Variants in KIAA1217 observed in about 807,000 individuals in gnomAD.
KIAA1217 encodes the protein KIAA1217, also known as sickle tail protein homolog.
KIAA1217 carries 88 observed loss-of-function variants against 163.9 expected under a neutral mutation model. That is an observed-to-expected ratio of 0.54 (90% CI 0.45 to 0.64). The LOEUF is 0.64. KIAA1217 is among the 30% of genes least tolerant of loss of function. The pLI is 0.00. For synonymous variants in KIAA1217, 903 were observed against 923.1 expected, an observed-to-expected ratio of 0.98 and a Z score of 0.39; for missense variants, 2,372 against 2,475.0, an observed-to-expected ratio of 0.96 and a Z score of 0.88.
chr10:23,934,616 TA>T (rs1843436391), intron 1 of KIAA1217, among the ~76,000 whole-genome samples: 1 of 87,782 alleles, frequency 1.1e-5, no homozygotes, highest in African/African-American at 1.0e-4. Context: ...TGTATATATA[TA>T]TATATATATT....
intron 1 of KIAA1217, among the ~76,000 whole-genome samples, chr10:23,940,460 C>CAAAAAAAAAAAAAA (rs760090400): frequency 1.1e-3 from 50 of 46,022 alleles, no homozygotes; most frequent in African/African-American, 2.8e-3. Context: ...GACTCCGTCT[C>CAAAAAAAAAAAAAA]AAAAAAAAAA....
intron 2 of KIAA1217, among the ~76,000 whole-genome samples, chr10:24,337,010 T>G (rs2046427816): frequency 6.6e-6 from 1 of 152,166 alleles, no homozygotes; most frequent in Non-Finnish European, 1.5e-5. Flanking sequence ...GGCAATGATT[T>G]TATAGATATG....
In KIAA1217 at chr10:23,701,122, T is replaced by C. The variant is rs145892081; in HGVS notation, c.-321+5888T>C. Among the ~76,000 whole-genome samples the C allele has an allele frequency of 4.8e-3, 733 of 152,334 alleles. 6 individuals carry two copies. Among genetic ancestry groups the C allele is most frequent in the African/African-American group, 0.015 (629 of 41,568 alleles). On this transcript the variant is annotated intron_variant, in intron 1 of 18. Transcript: ENST00000376462. ...TGGCACTTGGTACATGTTTATTTAG[T>C]ATAAGACATTATTATTATGGTGTCA...
chr10:23,727,169 T>G (rs951806819), intron 1 of KIAA1217, among the ~76,000 whole-genome samples: 1 of 151,954 alleles, frequency 6.6e-6, no homozygotes, highest in Middle Eastern at 3.2e-3. Flanking sequence ...TTTGTATTTT[T>G]TTTAGTAGAG....
rs58161228 is a variant in KIAA1217 at position 24,422,901 on chromosome 10, C to CTTTTTTTTTTTTTTTTTTTTTT, written c.554-10073_554-10072insTTTTTTTTTTTTTTTTTTTTTT. Among the ~76,000 whole-genome samples, 22 of 120,600 alleles carry CTTTTTTTTTTTTTTTTTTTTTT rather than the reference C, an allele frequency of 1.8e-4. 1 individual carries two copies. The highest frequency in any genetic ancestry group is 2.5e-4 in the East Asian group (1 of 3,968). 79.1% of individuals were successfully genotyped at this position (120,600 alleles called of 152,430 possible). ...CTCATATTACTTCCTATAGATTTAACTTTTTTTTTTTTTTTTTTTTTGAGA... is the reference window on the plus strand; with the variant it reads ...CTCATATTACTTCCTATAGATTTAACTTTTTTTTTTTTTTTTTTTTTTTTTTTTTTTTTTTTTTTTTTTGAGA... On this transcript the variant is annotated intron_variant, in intron 3 of 20. Transcript: ENST00000376454.
intron 3 of KIAA1217, among the ~76,000 whole-genome samples, chr10:24,408,803 C>T (rs2057471568): frequency 6.6e-6 from 1 of 152,168 alleles, no homozygotes; most frequent in South Asian, 2.1e-4. Context: ...TCCTTTCCTT[C>T]CCTGTTAAAT....
chr10:24,524,906 T>C, intron 13 of KIAA1217, 142 bp downstream of exon 13: 1 of 788,728 alleles, frequency 1.3e-6, no homozygotes, highest in Non-Finnish European at 1.9e-6. Flanking sequence ...TGGGATTCAG[T>C]GGCCAGGTTA....
At chr10:24,381,451 A>G (rs894886513) in intron 3 of KIAA1217, among the ~76,000 whole-genome samples, 8 of 152,138 alleles carry the variant, frequency 5.3e-5, no homozygotes, top group African/African-American at 1.9e-4. Flanking sequence ...ATGAGCAAGC[A>G]TTACCGCCTG....
intron 1 of KIAA1217, among the ~76,000 whole-genome samples, chr10:23,894,999 A>G (rs1011863857): frequency 6.6e-6 from 1 of 152,220 alleles, no homozygotes; most frequent in Admixed American, 6.5e-5. Context: ...TTCAAGATTG[A>G]TTAAAGACTT....
chr10:23,859,978 C>T (rs1402884689), intron 1 of KIAA1217, among the ~76,000 whole-genome samples: 1 of 152,012 alleles, frequency 6.6e-6, no homozygotes, highest in African/African-American at 2.4e-5. Flanking sequence ...GTCATATGCT[C>T]ATTTGAGTAA....
chr10:24,358,115 G>A (rs1032201000), intron 2 of KIAA1217, among the ~76,000 whole-genome samples: 7 of 152,196 alleles, frequency 4.6e-5, no homozygotes, highest in Non-Finnish European at 8.8e-5. Flanking sequence ...AAAACTCAGC[G>A]TGGATGTGGA....
chr10:24,273,578 G>C (rs10741049), intron 2 of KIAA1217, among the ~76,000 whole-genome samples: 2 of 151,944 alleles, frequency 1.3e-5, no homozygotes, highest in Non-Finnish European at 2.9e-5. Context: ...TTGGCTGGAC[G>C]CCATGGCTCA....
intron 2 of KIAA1217, among the ~76,000 whole-genome samples, chr10:24,239,673 A>ATGTGTG (rs150874554): frequency 2.7e-5 from 4 of 147,546 alleles, no homozygotes; most frequent in African/African-American, 7.5e-5. Flanking sequence ...TTATTCCCAG[A>ATGTGTG]TGTGTGTGTG....
At chr10:23,821,194 C>T (rs184387350) in intron 1 of KIAA1217, among the ~76,000 whole-genome samples, 70 of 151,280 alleles carry the variant, frequency 4.6e-4, no homozygotes, top group African/African-American at 1.7e-3. Flanking sequence ...AATGTGTTTA[C>T]CTGCATGTAT....
intron 3 of KIAA1217, among the ~76,000 whole-genome samples, chr10:24,430,255 G>T (rs1041447932): frequency 8.6e-5 from 13 of 150,818 alleles, no homozygotes; most frequent in African/African-American, 3.2e-4. Context: ...CCAGCATTCG[G>T]TCGAGGGCAT....
chr10:24,457,924 A>G (rs2061974734), intron 5 of KIAA1217, among the ~76,000 whole-genome samples: 1 of 152,226 alleles, frequency 6.6e-6, no homozygotes, highest in Admixed American at 6.5e-5. Context: ...TGTCAGGAGT[A>G]CAGGGCTTGA....
rs1471156542 is a variant in KIAA1217 at position 23,820,401 on chromosome 10, AAC to A, written c.-321+125169_-321+125170del. 4.6e-5 allele frequency among the ~76,000 whole-genome samples: 7 copies of A among 152,222 alleles called. 1 individual carries two copies. The highest frequency in any genetic ancestry group is 2.6e-4 in the Admixed American group (4 of 15,284). On this transcript the variant is annotated intron_variant, in intron 1 of 18. Transcript: ENST00000376462. ...GTGAGACTAATCCACTTGCTATGAT[AAC>A]AGTCATTCAACCTCTCTCTAATTAA... is the stretch of plus-strand genomic sequence containing the variant.
intron 5 of KIAA1217, among the ~76,000 whole-genome samples, chr10:24,454,292 C>A (rs561664374): frequency 3.9e-5 from 6 of 152,320 alleles, no homozygotes; most frequent in African/African-American, 1.4e-4. Flanking sequence ...TTCCATTGTG[C>A]AGGCAGCACT....
At chr10:23,886,512 C>T (rs1280700256) in intron 1 of KIAA1217, among the ~76,000 whole-genome samples, 3 of 152,054 alleles carry the variant, frequency 2.0e-5, no homozygotes, top group East Asian at 2.0e-4. Context: ...GGGTATCAGA[C>T]GGAGGAAGCT....
Sources: gnomAD v4.1 joint callset for allele counts (sites outside exome capture counted in the v4.1 genomes callset) on GRCh38, gnomAD v4.1.1 for gene constraint, MANE v1.5 for transcripts, NCBI Gene and HGNC (gene_info 2026-07-23, HGNC 2026-07-21) for gene names.